The following MYSM1 variants were observed in gnomAD, a reference collection of about 807,000 sequenced individuals.
MYSM1 encodes the protein Myb like, SWIRM and MPN domains 1.
Under a neutral mutation model 116.0 loss-of-function variants are expected in MYSM1, and 51 were observed. That is an observed-to-expected ratio of 0.44 (90% CI 0.35 to 0.56). The LOEUF is 0.56. MYSM1 is among the 20% of genes least tolerant of loss of function. The pLI is 0.00. For missense variants in MYSM1, 900 were observed against 974.9 expected, an observed-to-expected ratio of 0.92 and a Z score of 1.02; for synonymous variants, 313 against 315.2, an observed-to-expected ratio of 0.99 and a Z score of 0.07.
chr1:58,681,964 G>T lies in MYSM1; in HGVS notation c.1080C>A (p.Cys360Ter). 6.2e-7 allele frequency: 1 copy of T among 1,613,870 alleles called. No individual in the cohort carries two copies. Among genetic ancestry groups the T allele is most frequent in the Non-Finnish European group, 8.5e-7 (1 of 1,179,982 alleles). ...CCTCATGGCTTTCCTCTACCATTTG[G>T]CAAGAATGAAAAAGCATTTCATTAT... ...LNDNEMLFHS[C>*]QMVEESHEEE... Residue 360 changes from cysteine (C) to a stop codon, truncating the protein, a stop_gained, in exon 8 of 20, where the codon TGC becomes TGA. Coordinates refer to ENST00000472487, the MANE Select transcript of MYSM1 (RefSeq NM_001085487.3). LOFTEE classifies it high-confidence loss of function.
At chr1:58,698,165 A>C (rs1186427550) in intron 1 of MYSM1, among the ~76,000 whole-genome samples, 26 of 129,258 alleles carry the variant, frequency 2.0e-4, no homozygotes, top group Non-Finnish European at 3.5e-4. Flanking sequence ...CGGTGGCGTG[A>C]TCTCCGCTCA....
intron 17 of MYSM1, among the ~76,000 whole-genome samples, chr1:58,663,243 A>T (rs1297508171): frequency 3.9e-5 from 6 of 152,224 alleles, no homozygotes; most frequent in Non-Finnish European, 5.9e-5. Context: ...ACATGAAAAC[A>T]TACACACAAA....
chr1:58,698,302 G>A (rs1476809686), intron 1 of MYSM1, among the ~76,000 whole-genome samples: 2 of 149,956 alleles, frequency 1.3e-5, no homozygotes, highest in Admixed American at 6.7e-5. Context: ...GGGTTTCACC[G>A]TGTTAGCCAG....
chr1:58,690,144 G>A, intron 5 of MYSM1, 82 bp downstream of exon 5: 3 of 1,178,098 alleles, frequency 2.5e-6, no homozygotes, highest in Middle Eastern at 2.8e-4. Flanking sequence ...TTTTCCACAG[G>A]CCAACTATAA....
intron 11 of MYSM1, among the ~76,000 whole-genome samples, chr1:58,672,528 T>C (rs1644578778): frequency 6.6e-6 from 1 of 152,142 alleles, no homozygotes; most frequent in Non-Finnish European, 1.5e-5. Flanking sequence ...AATACTGACA[T>C]TGTCTGACAC....
Position 58,700,029 on chromosome 1 carries a change from C to CA in MYSM1, c.23dup (p.Asp9GlyfsTer18). 6.2e-7 allele frequency: 1 copy of CA among 1,613,774 alleles called. No individual in the cohort carries two copies. The highest frequency in any genetic ancestry group is 8.5e-7 in the Non-Finnish European group (1 of 1,180,012). ...CCGCTACCACGTCCCCTTCGATATCCACATCCGCCTCTTCAGCCGCCATGA... is the reference window on the plus strand; with the variant it reads ...CCGCTACCACGTCCCCTTCGATATCCAACATCCGCCTCTTCAGCCGCCATGA... On this transcript the variant is annotated frameshift_variant, in exon 1 of 20. Coordinates refer to ENST00000472487, the MANE Select transcript of MYSM1 (RefSeq NM_001085487.3). LOFTEE classifies it high-confidence loss of function.
At chr1:58,668,817 C>G in intron 13 of MYSM1, 135 bp from the exon 14 acceptor site, 3 of 1,010,068 alleles carry the variant, frequency 3.0e-6, no homozygotes, top group East Asian at 2.6e-5. Context: ...TCAGCACAAA[C>G]TAGACTTTTA....
Position 58,690,415 on chromosome 1 carries a change from T to C in MYSM1, c.221A>G (p.Tyr74Cys). 6.3e-7 allele frequency: 1 copy of C among 1,590,424 alleles called. No individual in the cohort carries two copies. Among genetic ancestry groups the C allele is most frequent in the Non-Finnish European group, 8.6e-7 (1 of 1,165,472 alleles). Residue 74 changes from tyrosine (Y) to cysteine (C), a missense_variant and splice_region_variant, in exon 4 of 20, where the codon TAT becomes TGT. Physicochemically the swap from Tyr to Cys is radical, Grantham distance 194 (BLOSUM62 -2). This residue lies in a region of MYSM1 where 622 missense variants were observed against 623.7 expected (regional missense o/e 1.00). Coordinates refer to ENST00000472487, the MANE Select transcript of MYSM1 (RefSeq NM_001085487.3). ...CGGTTGTGATTTTTTAGATAAATAA[T>C]ATCTGTGTAACTATCAAGGAAACTT... is the stretch of plus-strand genomic sequence containing the variant. ...VIEKMLLEEE[Y>C]YLSKKSQPEK...
chr1:58,700,005 C>T lies in MYSM1; in HGVS notation c.48G>A (p.Ala16=). 6.2e-7 allele frequency: 1 copy of T among 1,613,674 alleles called. No homozygotes were observed. The highest frequency in any genetic ancestry group is 8.5e-7 in the Non-Finnish European group (1 of 1,180,018). The change falls in exon 1 of 20, where the codon GCG becomes GCA. Residue 16 remains alanine (A), a synonymous_variant. Transcript: ENST00000472487. ...CTCACCCTGGCTGTGCCCCCGCCGC[C>T]GCTACCACGTCCCCTTCGATATCCA... ...ADVDIEGDVV[A]AAGAQPGSGE... is the part of the protein sequence containing the mutation.
chr1:58,667,309 G>T, intron 15 of MYSM1, 83 bp from the exon 16 acceptor site: 1 of 1,131,202 alleles, frequency 8.8e-7, no homozygotes. Flanking sequence ...TCAAAGATAC[G>T]GAAACTTTTC....
intron 10 of MYSM1, among the ~76,000 whole-genome samples, chr1:58,674,210 CT>C (rs1644609324): frequency 6.6e-6 from 1 of 152,108 alleles, no homozygotes; most frequent in Non-Finnish European, 1.5e-5. Flanking sequence ...AAATGGCTTC[CT>C]TTTCAACCAC....
rs777449718 is a variant in MYSM1 at position 58,671,999 on chromosome 1, C to T, written c.1573-41G>A. On this transcript the variant is annotated intron_variant, in intron 11 of 19. Transcript: ENST00000472487. The stretch of plus-strand genomic sequence containing the variant: ...AATTGATTAAGGAGTCCATCATCTA[C>T]TAAGAGGCAGAATAAAAATAGTCCT... 1.1e-5 allele frequency: 16 copies of T among 1,491,192 alleles called. No individual in the cohort carries two copies. The African/African-American group carries it at 1.9e-4, about 18-fold the overall frequency. 92.4% of individuals were successfully genotyped at this position (1,491,192 alleles called of 1,614,324 possible). A position where few individuals can be genotyped will look rare whatever the true frequency, so the allele number is the denominator to read the frequency against.
rs760780525 is a variant in MYSM1, at chr1:58,666,874, CAA to C, written c.2031+162_2031+163del. Among the ~76,000 whole-genome samples the C allele has an allele frequency of 2.1e-3, 284 of 134,070 alleles. 1 individual carries two copies. Among genetic ancestry groups the C allele is most frequent in the African/African-American group, 6.7e-3 (246 of 36,890 alleles). The allele number at this position is 134,070 out of a possible 152,430, so 88.0% of individuals were successfully genotyped here. ...GGGCAACAAGAGCGAAACTCTGTCT[CAA>C]AAAAAAAATAATAATAAAAATAAAT... On this transcript the variant is annotated intron_variant, in intron 16 of 19. Coordinates refer to ENST00000472487, the MANE Select transcript of MYSM1 (RefSeq NM_001085487.3).
intron 17 of MYSM1, among the ~76,000 whole-genome samples, chr1:58,663,407 TAAAGA>T (rs1644423254): frequency 6.6e-6 from 1 of 152,154 alleles, no homozygotes; most frequent in Non-Finnish European, 1.5e-5. Context: ...CTGTCACAAG[TAAAGA>T]AAACATTAAA....
In MYSM1 at chr1:58,655,143, C is replaced by A. The variant is rs936237905; in HGVS notation, c.*4854G>T. 6.6e-6 allele frequency: 1 copy of A among 152,164 alleles called. No individual in the cohort carries two copies. The highest frequency in any genetic ancestry group is 2.4e-5 in the African/African-American group (1 of 41,434). The allele number at this position is 152,164 out of a possible 1,614,324, so 9.4% of individuals were successfully genotyped here. A position where few individuals can be genotyped will look rare whatever the true frequency, so the allele number is the denominator to read the frequency against. ...TAATTTACATGTCAAATCCACAAAT[C>A]TAAAAGATATATGACTAATCTATTT... On this transcript the variant is annotated 3_prime_UTR_variant, in exon 20 of 20. Transcript: ENST00000472487.
At chr1:58,699,632 C>T (rs1645033578) in intron 1 of MYSM1, 1 of 985,374 alleles carries the variant, frequency 1.0e-6, no homozygotes, top group Non-Finnish European at 1.2e-6. Flanking sequence ...CCTCAGGTCT[C>T]GTCCGTAGCC....
chr1:58,679,535 T>G (rs1212659718), intron 8 of MYSM1, among the ~76,000 whole-genome samples: 2 of 152,172 alleles, frequency 1.3e-5, no homozygotes, highest in East Asian at 1.9e-4. Context: ...CCCACCTCAC[T>G]GCAGCTTCAA....
chr1:58,675,384 T>C, intron 10 of MYSM1, 93 bp downstream of exon 10: 1 of 812,142 alleles, frequency 1.2e-6, no homozygotes, highest in Non-Finnish European at 2.0e-6. Flanking sequence ...TACTAAATGG[T>C]CATTTATTAA....
rs973980813 is a variant in MYSM1 at position 58,658,353 on chromosome 1, T to C, written c.*1644A>G. 12 of 152,150 alleles carry C rather than the reference T, an allele frequency of 7.9e-5. No individual in the cohort carries two copies. Among genetic ancestry groups the C allele is most frequent in the African/African-American group, 2.7e-4 (11 of 41,444 alleles). The allele number at this position is 152,150 out of a possible 1,614,324, so 9.4% of individuals were successfully genotyped here. A position where few individuals can be genotyped will look rare whatever the true frequency, so the allele number is the denominator to read the frequency against. ...CTACCCTTTTTTTTTTAAATGTATG[T>C]TAATTTGGAAACTGTATTAACTCAA... On this transcript the variant is annotated 3_prime_UTR_variant, in exon 20 of 20. Transcript: ENST00000472487.
Sources: gnomAD v4.1 joint callset for allele counts (sites outside exome capture counted in the v4.1 genomes callset) on GRCh38, gnomAD v4.1.1 for gene constraint, gnomAD v4.1.1 regional missense constraint, MANE v1.5 for transcripts, NCBI Gene and HGNC (gene_info 2026-07-23, HGNC 2026-07-21) for gene names.